The following WDR43 variants were observed in gnomAD, a reference collection of about 807,000 sequenced individuals.
The protein encoded by WDR43 is WD repeat-containing protein 43.
A neutral mutation model predicts 91.4 loss-of-function variants in WDR43; 13 were observed. The observed-to-expected ratio is 0.14, with a 90% CI of 0.09 to 0.23. WDR43 has a LOEUF of 0.23. Ranked by LOEUF, WDR43 falls within the 10% of genes least tolerant of loss-of-function variation. WDR43 has a pLI of 1.00. For missense variants in WDR43, 780 were observed against 809.4 expected (o/e 0.96, Z 0.44); for synonymous variants, 331 against 287.9 (o/e 1.15, Z -1.51).
At chr2:28,900,280 C>T (rs982332642) in intron 1 of WDR43, among the ~76,000 whole-genome samples, 3 of 152,058 alleles carry the variant, frequency 2.0e-5, no homozygotes, top group South Asian at 2.1e-4. Context: ...CTCTGCCTCC[C>T]GGGTTCAAGC....
At chr2:28,916,084 G>A (rs1670903610) in intron 5 of WDR43, among the ~76,000 whole-genome samples, 1 of 152,152 alleles carries the variant, frequency 6.6e-6, no homozygotes, top group Admixed American at 6.6e-5. Flanking sequence ...CTGATGAGTT[G>A]TAACATACAT....
intron 16 of WDR43, 138 bp from the exon 17 acceptor site, chr2:28,946,312 G>A (rs957494970): frequency 1.1e-6 from 1 of 916,776 alleles, no homozygotes. Context: ...ATAAAATAAT[G>A]TTATTTCTTA....
chr2:28,906,412 A>G lies in WDR43; in HGVS notation c.364-48A>G. On this transcript the variant is annotated intron_variant, in intron 2 of 17. Coordinates refer to ENST00000407426, the MANE Select transcript of WDR43 (RefSeq NM_015131.3). ...CGAGGAAGGAGGATCATTTGAGCCC[A>G]GGAGTTTGAGACCAGCCTTAAATTT... The G allele has an allele frequency of 2.0e-6, 3 of 1,504,760 alleles. No homozygotes were observed. In the South Asian group the frequency reaches 3.8e-5, roughly 19 times the overall value. The allele number at this position is 1,504,760 out of a possible 1,614,324, so 93.2% of individuals were successfully genotyped here. A position where few individuals can be genotyped will look rare whatever the true frequency, so the allele number is the denominator to read the frequency against.
chr2:28,912,350 C>G (rs1045316204), intron 3 of WDR43, among the ~76,000 whole-genome samples: 1 of 152,164 alleles, frequency 6.6e-6, no homozygotes, highest in Admixed American at 6.5e-5. Context: ...TGTTGAGAAT[C>G]TTTATCCCAT....
rs760725025 is a variant in WDR43, at chr2:28,946,802, A to G, written c.*23A>G. 1.3e-6 allele frequency: 2 copies of G among 1,550,346 alleles called. No homozygotes were observed. Among genetic ancestry groups the G allele is most frequent in the Admixed American group, 2.0e-5 (1 of 50,620 alleles). ...TGAAGACAGCAAAGCAAGCCGGTCA[A>G]ACTATATAAACTCTGGCTCACCTTG... On this transcript the variant is annotated 3_prime_UTR_variant, in exon 18 of 18. Transcript: ENST00000407426.
intron 2 of WDR43, 73 bp downstream of exon 2, chr2:28,902,197 A>AG: frequency 6.9e-7 from 1 of 1,455,456 alleles, no homozygotes; most frequent in South Asian, 1.5e-5. Context: ...TAAAAAAAAA[A>AG]CACTTCAAGG....
In WDR43 at chr2:28,939,028, AGGTGACCTGGGAGCACTGGTGAGAGGGGT is replaced by A. The variant is rs1286422730; in HGVS notation, c.1620+1035_1620+1063del. Among the ~76,000 whole-genome samples, 74 of 77,882 alleles carry A rather than the reference AGGTGACCTGGGAGCACTGGTGAGAGGGGT, an allele frequency of 9.5e-4. 2 individuals are homozygous for A. Among genetic ancestry groups the A allele is most frequent in the Non-Finnish European group, 1.6e-3 (61 of 38,392 alleles). 51.1% of individuals were successfully genotyped at this position (77,882 alleles called of 152,430 possible). A position where few individuals can be genotyped will look rare whatever the true frequency, so the allele number is the denominator to read the frequency against. ...GAACACTGGTGAGGGGGGTTTTGGG[AGGTGACCTGGGAGCACTGGTGAGAGGGGT>A]TTTTGGGAGGTGACCTGGGAGCACT... On this transcript the variant is annotated intron_variant, in intron 14 of 17. Coordinates refer to ENST00000407426, the MANE Select transcript of WDR43 (RefSeq NM_015131.3).
chr2:28,894,746 G>C lies in WDR43; in HGVS notation c.48G>C (p.Gly16=), dbSNP rs1299439187. The C allele has an allele frequency of 1.3e-6, 2 of 1,594,220 alleles. No homozygotes were observed. Among genetic ancestry groups the C allele is most frequent in the East Asian group, 2.3e-5 (1 of 43,910 alleles). Reference sequence around the variant, plus strand: ...GCTGCGACCCCCTGGCCCCTGCTGGGGTCCCTTGCGCCTTCTCCCCGCACA... The same window carrying C: ...GCTGCGACCCCCTGGCCCCTGCTGGCGTCCCTTGCGCCTTCTCCCCGCACA... ...GGSCDPLAPA[G]VPCAFSPHSQ... The change falls in exon 1 of 18, where the codon GGG becomes GGC. Residue 16 remains glycine, a synonymous_variant. Transcript: ENST00000407426.
intron 1 of WDR43, among the ~76,000 whole-genome samples, chr2:28,901,690 G>C (rs1670579789): frequency 6.6e-6 from 1 of 152,184 alleles, no homozygotes; most frequent in African/African-American, 2.4e-5. Context: ...TTTCTGAGAA[G>C]TGGAAACAGC....
chr2:28,919,056 A>C (rs1670970834), intron 6 of WDR43, among the ~76,000 whole-genome samples: 1 of 152,180 alleles, frequency 6.6e-6, no homozygotes, highest in Admixed American at 6.5e-5. Flanking sequence ...CCAGGAGTTC[A>C]GGACCTGCCT....
At chr2:28,912,358 C>A (rs1363397525) in intron 3 of WDR43, among the ~76,000 whole-genome samples, 1 of 152,180 alleles carries the variant, frequency 6.6e-6, no homozygotes, top group Non-Finnish European at 1.5e-5. Flanking sequence ...ATCTTTATCC[C>A]ATGCCTGCCA....
intron 16 of WDR43, among the ~76,000 whole-genome samples, chr2:28,943,924 A>G (rs555394938): frequency 1.3e-5 from 2 of 152,290 alleles, no homozygotes; most frequent in South Asian, 4.1e-4. Flanking sequence ...TGTAATCTCA[A>G]AGTTGACAAT....
intron 3 of WDR43, among the ~76,000 whole-genome samples, chr2:28,911,488 G>A (rs1296243475): frequency 6.6e-6 from 1 of 151,774 alleles, no homozygotes; most frequent in Non-Finnish European, 1.5e-5. Context: ...TAGAGACAGG[G>A]TTTCACCATG....
intron 6 of WDR43, among the ~76,000 whole-genome samples, chr2:28,922,530 A>T (rs1052224758): frequency 6.6e-6 from 1 of 152,174 alleles, no homozygotes; most frequent in East Asian, 1.9e-4. Context: ...TTGACCGGGG[A>T]TGGAGGAAGA....
chr2:28,925,600 G>T (rs1201452022), intron 8 of WDR43, among the ~76,000 whole-genome samples: 1 of 152,182 alleles, frequency 6.6e-6, no homozygotes, highest in Non-Finnish European at 1.5e-5. Flanking sequence ...TTTCTAAGTG[G>T]AAATGTAATG....
intron 6 of WDR43, among the ~76,000 whole-genome samples, chr2:28,921,885 T>C (rs994080229): frequency 1.3e-5 from 2 of 152,102 alleles, no homozygotes; most frequent in Non-Finnish European, 2.9e-5. Context: ...TAATTTTTAT[T>C]GTATTTTTTG....
intron 5 of WDR43, among the ~76,000 whole-genome samples, chr2:28,914,567 T>A (rs1228393726): frequency 6.6e-6 from 1 of 152,222 alleles, no homozygotes; most frequent in Non-Finnish European, 1.5e-5. Flanking sequence ...TGCTTGGCTG[T>A]CTCAGAATTT....
chr2:28,914,080 A>C lies in WDR43; in HGVS notation c.618A>C (p.Gly206=). ...ETKEVYRHFT[G]HATPVSSLMF... Reference sequence around the variant, plus strand: ...TTAACTTTCTCTAGCATTTCACAGGACATGCAACGCCAGTTTCGTCACTGA... The same window carrying C: ...TTAACTTTCTCTAGCATTTCACAGGCCATGCAACGCCAGTTTCGTCACTGA... The change falls in exon 5 of 18, where the codon GGA becomes GGC. Residue 206 remains glycine (G), a synonymous_variant. Transcript: ENST00000407426. The C allele has an allele frequency of 6.2e-7, 1 of 1,613,528 alleles. No individual in the cohort carries two copies. Among genetic ancestry groups the C allele is most frequent in the Non-Finnish European group, 8.5e-7 (1 of 1,179,784 alleles).
At chr2:28,926,009 C>T (rs940356210) in intron 8 of WDR43, among the ~76,000 whole-genome samples, 7 of 152,138 alleles carry the variant, frequency 4.6e-5, no homozygotes, top group African/African-American at 1.7e-4. Context: ...AATATCGTGT[C>T]AGGACATACA....
Sources: allele counts gnomAD v4.1 joint callset (sites outside exome capture counted in the v4.1 genomes callset), GRCh38; gene constraint gnomAD v4.1.1; transcripts MANE v1.5; gene names NCBI Gene and HGNC (gene_info 2026-07-23, HGNC 2026-07-21).